Variants in KIAA0319 observed in about 807,000 individuals in gnomAD.
The protein encoded by KIAA0319 is KIAA0319, also known as dyslexia-associated protein KIAA0319.
Under a neutral mutation model 108.4 loss-of-function variants are expected in KIAA0319, and 83 were observed. The ratio of observed to expected loss-of-function variants is 0.77; its 90% CI spans 0.64 to 0.92. The LOEUF is 0.92. Among genes scored for constraint, KIAA0319 ranks in the 40% least tolerant of loss-of-function variants. KIAA0319 has a pLI of 0.00. For synonymous variants in KIAA0319, 484 were observed against 510.4 expected (o/e 0.95, Z 0.70); for missense variants, 1,195 against 1,322.4 (o/e 0.90, Z 1.49).
chr6:24,547,636 A>G (rs1160411345), intron 20 of KIAA0319, among the ~76,000 whole-genome samples: 1 of 152,184 alleles, frequency 6.6e-6, no homozygotes, highest in Non-Finnish European at 1.5e-5. Flanking sequence ...AAGATAACAA[A>G]GCATCTACCC....
chr6:24,621,054 T>G (rs982808917), intron 1 of KIAA0319, among the ~76,000 whole-genome samples: 3 of 152,230 alleles, frequency 2.0e-5, no homozygotes, highest in African/African-American at 4.8e-5. Flanking sequence ...AGGGAGTCCC[T>G]GTCACATCCT....
chr6:24,636,023 A>G (rs1185432407), intron 1 of KIAA0319, among the ~76,000 whole-genome samples: 1 of 152,246 alleles, frequency 6.6e-6, no homozygotes, highest in Non-Finnish European at 1.5e-5. Context: ...AGGCATGTCA[A>G]TGAGAGACTA....
intron 2 of KIAA0319, chr6:24,600,714 G>A: frequency 2.0e-6 from 3 of 1,486,922 alleles, no homozygotes; most frequent in Middle Eastern, 3.4e-4. Context: ...AGCAAACTGA[G>A]TATAATGAAA....
intron 3 of KIAA0319, among the ~76,000 whole-genome samples, chr6:24,589,097 C>T (rs1278843729): frequency 6.6e-6 from 1 of 152,176 alleles, no homozygotes; most frequent in Non-Finnish European, 1.5e-5. Context: ...TTCTGCCCCA[C>T]ACCTCCTTCC....
chr6:24,563,516 G>T lies in KIAA0319; in HGVS notation c.2434C>A (p.Pro812Thr), dbSNP rs1291530486. 1.2e-6 allele frequency: 2 copies of T among 1,606,156 alleles called. No individual in the cohort carries two copies. The highest frequency in any genetic ancestry group is 2.7e-5 in the African/African-American group (2 of 74,818). The change falls in exon 16 of 21, where the codon CCT (proline) becomes ACT (threonine). Residue 812 changes from proline to threonine, a missense_variant and splice_region_variant. Physicochemically the swap from Pro to Thr is conservative, Grantham distance 38 (BLOSUM62 -1). Coordinates refer to ENST00000378214, the MANE Select transcript of KIAA0319 (RefSeq NM_014809.4). ...DTATVEVQPD[P>T]RKSGLVELTL... is the part of the protein sequence containing the mutation. ...AGCTCCACCAGGCCACTCTTCCTAG[G>T]GTCTGGGGAAAGAGAAGATACAGGA... is the stretch of plus-strand genomic sequence containing the variant.
intron 13 of KIAA0319, among the ~76,000 whole-genome samples, 189 bp from the exon 14 acceptor site, chr6:24,566,937 CTTAG>C (rs1281851675): frequency 6.6e-6 from 1 of 152,080 alleles, no homozygotes; most frequent in African/African-American, 2.4e-5. Flanking sequence ...TCCATTTGTA[CTTAG>C]TTAGCTATAA....
rs916221978 is a variant in KIAA0319, at chr6:24,546,306, C to T, written c.*859G>A. On this transcript the variant is annotated 3_prime_UTR_variant, in exon 21 of 21. Transcript: ENST00000378214. ...CCCTATCTATGGCAGTCCAAACGCA[C>T]AGCCTACAGAACATAATAAATGCTT... The T allele has an allele frequency of 6.6e-6, 1 of 152,098 alleles. No individual in the cohort carries two copies. The highest frequency in any genetic ancestry group is 1.5e-5 in the Non-Finnish European group (1 of 68,036). 9.4% of individuals were successfully genotyped at this position (152,098 alleles called of 1,614,324 possible).
chr6:24,580,847 G>T, intron 7 of KIAA0319, 79 bp downstream of exon 7: 1 of 841,936 alleles, frequency 1.2e-6, no homozygotes, highest in Non-Finnish European at 2.0e-6. Context: ...TAGATAGGTA[G>T]ACAGATATAG....
chr6:24,627,846 G>T (rs374016186), intron 1 of KIAA0319, among the ~76,000 whole-genome samples: 1 of 152,148 alleles, frequency 6.6e-6, no homozygotes, highest in Non-Finnish European at 1.5e-5. Flanking sequence ...TCTAGAAGAG[G>T]AATATTTGTG....
intron 1 of KIAA0319, among the ~76,000 whole-genome samples, chr6:24,617,103 A>G (rs1028959660): frequency 1.3e-5 from 2 of 152,134 alleles, no homozygotes; most frequent in African/African-American, 4.8e-5. Context: ...AATATCATAA[A>G]AGTAGGAAGG....
At chr6:24,595,546 CA>C (rs60291863) in intron 3 of KIAA0319, among the ~76,000 whole-genome samples, 542 of 43,230 alleles carry the variant, frequency 0.013, no homozygotes, top group Non-Finnish European at 0.018. Flanking sequence ...GATTCAATCT[CA>C]AAAAAAAAAA....
chr6:24,582,461 T>G, intron 5 of KIAA0319, 115 bp from the exon 6 acceptor site: 1 of 466,428 alleles, frequency 2.1e-6, no homozygotes, highest in East Asian at 3.4e-5. Flanking sequence ...TTAGATATAC[T>G]CAACTCAGCT....
chr6:24,547,368 G>A (rs772865811), intron 20 of KIAA0319, 25 bp from the exon 21 acceptor site: 6 of 1,600,906 alleles, frequency 3.7e-6, no homozygotes, highest in Non-Finnish European at 5.1e-6. Flanking sequence ...AGAAGCATCT[G>A]AGGAGGAACG....
At chr6:24,586,105 A>C (rs1034506848) in intron 4 of KIAA0319, among the ~76,000 whole-genome samples, 2 of 152,234 alleles carry the variant, frequency 1.3e-5, no homozygotes, top group South Asian at 2.1e-4. Flanking sequence ...ACAAAAAAAA[A>C]CAAGCTGTAC....
chr6:24,547,167 A>T lies in KIAA0319; in HGVS notation c.3217T>A (p.Ter1073LysextTer6), dbSNP rs746193566. 6.2e-7 allele frequency: 1 copy of T among 1,614,056 alleles called. No homozygotes were observed. The highest frequency in any genetic ancestry group is 1.1e-5 in the South Asian group (1 of 91,086). ...CCACTTTACAATGAACTGCGCCATT[A>T]TCTGTCCTTTGAGCAATAACTGAAG... is the stretch of plus-strand genomic sequence containing the variant. ...ASFSYCSKDR* is the reference protein window; with the variant it reads ...ASFSYCSKDRK The change falls in exon 21 of 21, where the codon TAA becomes AAA. Residue 1073 changes from the stop codon to lysine (K), a stop_lost. Transcript: ENST00000378214.
In KIAA0319 at chr6:24,588,697, G is replaced by A. The variant is rs756237864; in HGVS notation, c.890C>T (p.Pro297Leu). The A allele has an allele frequency of 8.7e-6, 14 of 1,613,884 alleles. No individual in the cohort carries two copies. The South Asian group carries it at 1.2e-4, about 14-fold the overall frequency. ...VEKSPVLTVTPGSTEHSIPTP... is the reference protein window; with the variant it reads ...VEKSPVLTVTLGSTEHSIPTP... ...TGGGATGCTGTGCTCTGTACTCCCC[G>A]GGGTGACTGTGAGCACTGGGCTTTT... The change falls in exon 4 of 21, where the codon CCG becomes CTG. Residue 297 changes from proline (P) to leucine (L), a missense_variant. Transcript: ENST00000378214.
chr6:24,607,612 A>G lies in KIAA0319; in HGVS notation c.-105-6404T>C, dbSNP rs551532062. ...GTATTCTGGAATCACTTATATGGTA[A>G]CTAACATATGCTTCCTTATAGAAGC... On this transcript the variant is annotated intron_variant, in intron 1 of 20. Transcript: ENST00000378214. 1.6e-3 allele frequency among the ~76,000 whole-genome samples: 250 copies of G among 152,330 alleles called. 9 individuals carry two copies. In the South Asian group the frequency reaches 0.036, roughly 22 times the overall value.
intron 13 of KIAA0319, among the ~76,000 whole-genome samples, chr6:24,568,249 C>G (rs1376687214): frequency 2.6e-5 from 4 of 152,208 alleles, no homozygotes; most frequent in African/African-American, 9.7e-5. Flanking sequence ...TTCACTAATT[C>G]ATTCAACACC....
In KIAA0319 at chr6:24,554,755, C is replaced by T. The variant is rs528948361; in HGVS notation, c.2858-124G>A. On this transcript the variant is annotated intron_variant, in intron 18 of 20. Coordinates refer to ENST00000378214, the MANE Select transcript of KIAA0319 (RefSeq NM_014809.4). ...GAAAGGCCACCTGTGGAGTTGATAA[C>T]ATCAGACTGGTAGCAGAGCAGAGCA... 5.0e-5 allele frequency: 35 copies of T among 694,840 alleles called. 1 individual carries two copies. The highest frequency in any genetic ancestry group is 4.7e-4 in the South Asian group (27 of 57,148). 43.0% of individuals were successfully genotyped at this position (694,840 alleles called of 1,614,324 possible).
Sources: allele counts gnomAD v4.1 joint callset (sites outside exome capture counted in the v4.1 genomes callset), GRCh38; gene constraint gnomAD v4.1.1; transcripts MANE v1.5; gene names NCBI Gene and HGNC (gene_info 2026-07-23, HGNC 2026-07-21).